Variants in CCND1 observed in about 807,000 individuals in gnomAD.
CCND1 encodes G1/S-specific cyclin-D1.
CCND1 carries 9 observed loss-of-function variants against 26.1 expected under a neutral mutation model. That is an observed-to-expected ratio of 0.35 (90% CI 0.21 to 0.60). The LOEUF (loss-of-function observed/expected upper bound fraction) is 0.60. Among genes scored for constraint, CCND1 ranks in the 20% least tolerant of loss-of-function variants. The probability of loss-of-function intolerance (pLI) is 0.79; values close to 1 mark genes in which losing one functional copy is unlikely to be tolerated. For synonymous variants in CCND1, 194 were observed against 166.1 expected (o/e 1.17, Z -1.29); for missense variants, 335 against 392.9 (o/e 0.85, Z 1.25).
intron 1 of CCND1, among the ~76,000 whole-genome samples, chr11:69,642,555 A>AT (rs893882846): frequency 6.6e-6 from 1 of 152,020 alleles, no homozygotes; most frequent in African/African-American, 2.4e-5. Context: ...GCACTTAGTT[A>AT]TTTTTTTAAT....
intron 4 of CCND1, among the ~76,000 whole-genome samples, chr11:69,648,416 G>A (rs1403839780): frequency 1.3e-5 from 2 of 152,260 alleles, no homozygotes; most frequent in African/African-American, 2.4e-5. Context: ...CGTCCGGGAC[G>A]GAGGCCCCAG....
chr11:69,641,307 C>G lies in CCND1; in HGVS notation c.-7C>G, dbSNP rs368916162. The G allele has an allele frequency of 1.5e-5, 24 of 1,610,036 alleles. No homozygotes were observed. Among genetic ancestry groups the G allele is most frequent in the Non-Finnish European group, 1.9e-5 (23 of 1,179,794 alleles). ...CCCTCCCCAGCTGCCCAGGAAGAGC[C>G]CCAGCCATGGAACACCAGCTCCTGT... On this transcript the variant is annotated 5_prime_UTR_variant, in exon 1 of 5. Transcript: ENST00000227507.
chr11:69,649,338 T>C (rs1855826347), intron 4 of CCND1, among the ~76,000 whole-genome samples: 1 of 152,156 alleles, frequency 6.6e-6, no homozygotes, highest in South Asian at 2.1e-4. Context: ...TTCGGGCAGT[T>C]GTGGGAAGTT....
chr11:69,646,359 A>T (rs1025703194), intron 3 of CCND1, among the ~76,000 whole-genome samples: 1 of 152,140 alleles, frequency 6.6e-6, no homozygotes, highest in Non-Finnish European at 1.5e-5. Flanking sequence ...TCTCCCCTTC[A>T]GGGTGGCTGC....
At chr11:69,645,876 G>T (rs1855771955) in intron 3 of CCND1, among the ~76,000 whole-genome samples, 1 of 152,218 alleles carries the variant, frequency 6.6e-6, no homozygotes, top group Non-Finnish European at 1.5e-5. Context: ...CTCACGCATG[G>T]GGGTTTCAGG....
At chr11:69,646,169 G>A (rs551774307) in intron 3 of CCND1, among the ~76,000 whole-genome samples, 2 of 152,302 alleles carry the variant, frequency 1.3e-5, no homozygotes, top group Admixed American at 1.3e-4. Context: ...AGAACCTGTC[G>A]CTCCCTGCAG....
In CCND1 at chr11:69,651,404, C is replaced by A; in HGVS notation, c.*122C>A. 1 of 851,374 alleles carries A rather than the reference C, an allele frequency of 1.2e-6. No homozygotes were observed. The highest frequency in any genetic ancestry group is 1.6e-6 in the Non-Finnish European group (1 of 608,860). The allele number at this position is 851,374 out of a possible 1,614,324, so 52.7% of individuals were successfully genotyped here. A position where few individuals can be genotyped will look rare whatever the true frequency, so the allele number is the denominator to read the frequency against. ...TACCAGAAGGGAAAGCTTCATTCTC[C>A]TTGTTGTTGGTTGTTTTTTCCTTTG... On this transcript the variant is annotated 3_prime_UTR_variant, in exon 5 of 5. Coordinates refer to ENST00000227507, the MANE Select transcript of CCND1 (RefSeq NM_053056.3).
chr11:69,646,945 C>T (rs148463902), intron 3 of CCND1, among the ~76,000 whole-genome samples: 1 of 152,288 alleles, frequency 6.6e-6, no homozygotes, highest in East Asian at 1.9e-4. Flanking sequence ...TTTGTGCAGA[C>T]CACAAAGGCT....
chr11:69,654,049 G>A lies in CCND1; in HGVS notation c.*2767G>A, dbSNP rs968249749. The A allele has an allele frequency of 4.1e-5, 25 of 602,612 alleles. No individual in the cohort carries two copies. The highest frequency in any genetic ancestry group is 2.2e-4 in the East Asian group (8 of 36,358). 37.3% of individuals were successfully genotyped at this position (602,612 alleles called of 1,614,324 possible). Reference sequence around the variant, plus strand: ...ACCAAAAGAATTTGCACCCCGCTGCGGGCCCACGTGGTTGGGGCCCTGCCC... The same window carrying A: ...ACCAAAAGAATTTGCACCCCGCTGCAGGCCCACGTGGTTGGGGCCCTGCCC... On this transcript the variant is annotated 3_prime_UTR_variant, in exon 5 of 5. Transcript: ENST00000227507. The surrounding 1 kb of genome is among the most constrained non-coding windows in gnomAD (Gnocchi z 6.3).
Position 69,643,103 on chromosome 11 carries a change from C to T in CCND1, c.271C>T (p.Leu91=), listed in dbSNP as rs2120088859. The T allele has an allele frequency of 3.1e-6, 5 of 1,611,364 alleles. No individual in the cohort carries two copies. Among genetic ancestry groups the T allele is most frequent in the Non-Finnish European group, 4.2e-6 (5 of 1,179,210 alleles). The part of the protein sequence containing the change: ...AMNYLDRFLS[L]EPVKKSRLQL... ...GAACTACCTGGACCGCTTCCTGTCG[C>T]TGGAGCCCGTGAAAAAGAGCCGCCT... The change falls in exon 2 of 5, where the codon CTG becomes TTG. Residue 91 remains leucine, a synonymous_variant. Transcript: ENST00000227507.
chr11:69,646,290 G>C (rs936433483), intron 3 of CCND1, among the ~76,000 whole-genome samples: 13 of 152,242 alleles, frequency 8.5e-5, no homozygotes, highest in Admixed American at 8.5e-4. Flanking sequence ...AAAAGAGGTG[G>C]CTCGGCTCGT....
chr11:69,648,005 A>G lies in CCND1; in HGVS notation c.586A>G (p.Ile196Val). Reference sequence around the variant, plus strand: ...TCCTTCTGCCTCAGATGTGAAGTTCATTTCCAATCCGCCCTCCATGGTGGC... The same window carrying G: ...TCCTTCTGCCTCAGATGTGAAGTTCGTTTCCAATCCGCCCTCCATGGTGGC... ...VALCATDVKF[I>V]SNPPSMVAAG... is the part of the protein sequence containing the mutation. Residue 196 changes from isoleucine (I) to valine (V), a missense_variant, in exon 4 of 5, where the codon ATT becomes GTT. Transcript: ENST00000227507. The G allele has an allele frequency of 6.2e-7, 1 of 1,613,860 alleles. No individual in the cohort carries two copies. Among genetic ancestry groups the G allele is most frequent in the Non-Finnish European group, 8.5e-7 (1 of 1,180,010 alleles).
chr11:69,653,418 AG>A lies in CCND1; in HGVS notation c.*2137del. 1 of 600,924 alleles carries A rather than the reference AG, an allele frequency of 1.7e-6. No individual in the cohort carries two copies. Among genetic ancestry groups the A allele is most frequent in the Non-Finnish European group, 2.9e-6 (1 of 341,042 alleles). 37.2% of individuals were successfully genotyped at this position (600,924 alleles called of 1,614,324 possible). On this transcript the variant is annotated 3_prime_UTR_variant, in exon 5 of 5. Coordinates refer to ENST00000227507, the MANE Select transcript of CCND1 (RefSeq NM_053056.3). ...ATTGTATTACAGATGCCTTTTTTGT[AG>A]TTTTTTTTTTTTTTATGTGATCAAT...
chr11:69,644,262 C>A (rs1855751372), intron 3 of CCND1: 2 of 498,314 alleles, frequency 4.0e-6, no homozygotes, highest in South Asian at 2.3e-5. Context: ...GTTACTCTGG[C>A]CTCGTCCTTC....
intron 1 of CCND1, among the ~76,000 whole-genome samples, chr11:69,642,797 C>A (rs1291708678): frequency 2.0e-5 from 3 of 151,956 alleles, no homozygotes; most frequent in Non-Finnish European, 4.4e-5. Flanking sequence ...TGTGCCCGCT[C>A]CCGCCCCCAC....
Position 69,641,335 on chromosome 11 carries a change from T to C in CCND1, c.22T>C (p.Cys8Arg). 6.2e-7 allele frequency: 1 copy of C among 1,612,726 alleles called. No individual in the cohort carries two copies. The highest frequency in any genetic ancestry group is 8.5e-7 in the Non-Finnish European group (1 of 1,180,018). ...AGCCATGGAACACCAGCTCCTGTGC[T>C]GCGAAGTGGAAACCATCCGCCGCGC... MEHQLLC[C>R]EVETIRRAYP... The change falls in exon 1 of 5, where the codon TGC (cysteine) becomes CGC (arginine). Residue 8 changes from cysteine (C) to arginine (R), a missense_variant. Cys to Arg is a radical substitution (Grantham distance 180). Transcript: ENST00000227507.
rs1423228751 is a variant in CCND1 at position 69,653,171 on chromosome 11, G to A, written c.*1889G>A. On this transcript the variant is annotated 3_prime_UTR_variant, in exon 5 of 5. Coordinates refer to ENST00000227507, the MANE Select transcript of CCND1 (RefSeq NM_053056.3). ...AGGGAGGACAGGCGGGAGGAGGTGT[G>A]AGGAGGAGGCTCCCGAGGGGAAGGG... The A allele has an allele frequency of 1.6e-6, 1 of 643,686 alleles. No homozygotes were observed. Among genetic ancestry groups the A allele is most frequent in the Non-Finnish European group, 2.8e-6 (1 of 357,436 alleles). 39.9% of individuals were successfully genotyped at this position (643,686 alleles called of 1,614,324 possible).
Position 69,654,197 on chromosome 11 carries a change from G to T in CCND1, c.*2915G>T, listed in dbSNP as rs1216631712. On this transcript the variant is annotated 3_prime_UTR_variant, in exon 5 of 5. Coordinates refer to ENST00000227507, the MANE Select transcript of CCND1 (RefSeq NM_053056.3). This position sits in a 1 kb window ranked among gnomAD's most constrained non-coding sequence, Gnocchi z 6.3. ...CTGCGGCGTCTGTCTGAACCACGCG[G>T]GGGCCTTGAGGGACGCTTTGTCTGT... is the stretch of plus-strand genomic sequence containing the variant. 1 of 702,426 alleles carries T rather than the reference G, an allele frequency of 1.4e-6. No individual in the cohort carries two copies. The highest frequency in any genetic ancestry group is 1.7e-5 in the African/African-American group (1 of 57,350). The allele number at this position is 702,426 out of a possible 1,614,324, so 43.5% of individuals were successfully genotyped here. A position where few individuals can be genotyped will look rare whatever the true frequency, so the allele number is the denominator to read the frequency against.
Position 69,651,101 on chromosome 11 carries a change from C to G in CCND1, c.724-17C>G. 6.2e-7 allele frequency: 1 copy of G among 1,609,514 alleles called. No individual in the cohort carries two copies. Among genetic ancestry groups the G allele is most frequent in the Non-Finnish European group, 8.5e-7 (1 of 1,177,980 alleles). On this transcript the variant is annotated splice_polypyrimidine_tract_variant and intron_variant, in intron 4 of 4. Coordinates refer to ENST00000227507, the MANE Select transcript of CCND1 (RefSeq NM_053056.3). The stretch of plus-strand genomic sequence containing the variant: ...AGGACCCCCTCTTCCCACCTCTCCC[C>G]ACCCTCTCTCTCTCAGGACTGCCTC...
Sources: allele counts gnomAD v4.1 joint callset (sites outside exome capture counted in the v4.1 genomes callset), GRCh38; gene constraint gnomAD v4.1.1; non-coding constraint Gnocchi (gnomAD v3.1); transcripts MANE v1.5; gene names NCBI Gene and HGNC (gene_info 2026-07-23, HGNC 2026-07-21).